SCN1A: variants seen among roughly 807,000 people sequenced by gnomAD.
SCN1A encodes the protein sodium channel protein type 1 subunit alpha.
Under a neutral mutation model 193.7 loss-of-function variants are expected in SCN1A, and 13 were observed. That is an observed-to-expected ratio of 0.07 (90% confidence interval 0.04 to 0.11). SCN1A has a LOEUF of 0.11. Among genes scored for constraint, SCN1A ranks in the 10% least tolerant of loss-of-function variants. SCN1A has a pLI of 1.00. For missense variants in SCN1A, 1,432 were observed against 2,451.1 expected (o/e 0.58, Z 8.78); for synonymous variants, 781 against 843.6 (o/e 0.93, Z 1.29).
intron 24 of SCN1A, 40 bp from the exon 25 acceptor site, chr2:165,999,816 A>C (rs748076099): frequency 7.5e-7 from 1 of 1,332,176 alleles, no homozygotes; most frequent in Admixed American, 1.7e-5. Flanking sequence ...TGGAGTAAAA[A>C]TAATTTAGAC....
At chr2:166,083,967 C>T (rs1685808952) in intron 2 of SCN1A, among the ~76,000 whole-genome samples, 1 of 152,068 alleles carries the variant, frequency 6.6e-6, no homozygotes, top group Non-Finnish European at 1.5e-5. Flanking sequence ...GAAGTCTAAT[C>T]CTCGTGACTG....
intron 22 of SCN1A, among the ~76,000 whole-genome samples, chr2:166,011,608 T>C (rs1692465686): frequency 1.3e-5 from 2 of 151,172 alleles, no homozygotes; most frequent in African/African-American, 2.4e-5. Flanking sequence ...TTTAAAAAGT[T>C]TGAGTAGATC....
chr2:166,085,667 T>G (rs1294480784), intron 2 of SCN1A, among the ~76,000 whole-genome samples: 1 of 152,066 alleles, frequency 6.6e-6, no homozygotes, highest in Non-Finnish European at 1.5e-5. Flanking sequence ...TTAACTACCC[T>G]GGGGAATGAG....
At chr2:165,995,973 G>C in intron 27 of SCN1A, 40 bp downstream of exon 27, 1 of 1,347,412 alleles carries the variant, frequency 7.4e-7, no homozygotes, top group Non-Finnish European at 1.1e-6. Flanking sequence ...GCAAGTTTTT[G>C]TTTTTGTATT....
rs371429158 is a variant in SCN1A, at chr2:166,057,126, T to C, written c.384-626A>G. 5.3e-5 allele frequency among the ~76,000 whole-genome samples: 8 copies of C among 152,176 alleles called. No homozygotes were observed. In the East Asian group the frequency reaches 9.7e-4, roughly 18 times the overall value. On this transcript the variant is annotated intron_variant, in intron 5 of 28. Transcript: ENST00000674923. ...ATGGGAATGTAATTAAAATTCAACA[T>C]AGCAAAGTGATGTTGGCCAAGAGAC...
rs1325981990 is a variant in SCN1A at position 165,998,023 on chromosome 2, A to C, written c.4476+15T>G. On this transcript the variant is annotated intron_variant, in intron 26 of 28. Transcript: ENST00000674923. Reference sequence around the variant, plus strand: ...TTTCTATCTCAGTGGGAGAGAAAATATTAGAAATACTTATCTTCTTTTTCT... The same window carrying C: ...TTTCTATCTCAGTGGGAGAGAAAATCTTAGAAATACTTATCTTCTTTTTCT... 6.3e-7 allele frequency: 1 copy of C among 1,589,898 alleles called. No individual in the cohort carries two copies. Among genetic ancestry groups the C allele is most frequent in the African/African-American group, 1.3e-5 (1 of 74,136 alleles).
intron 9 of SCN1A, among the ~76,000 whole-genome samples, chr2:166,049,740 G>A (rs570534503): frequency 7.2e-4 from 110 of 151,922 alleles, no homozygotes; most frequent in Non-Finnish European, 1.3e-3. Flanking sequence ...CCAGTAACCT[G>A]TATATACTTG....
At chr2:166,098,715 A>C (rs1331897385) in intron 2 of SCN1A, among the ~76,000 whole-genome samples, 1 of 152,182 alleles carries the variant, frequency 6.6e-6, no homozygotes, top group Non-Finnish European at 1.5e-5. Flanking sequence ...ATACACCAAT[A>C]ACATCCAAGC....
Position 166,027,582 on chromosome 2 carries a change from A to G in SCN1A, c.3429+8466T>C, listed in dbSNP as rs542834788. Among the ~76,000 whole-genome samples the G allele has an allele frequency of 9.3e-5, 14 of 151,338 alleles. No individual in the cohort carries two copies. The South Asian group carries it at 1.2e-3, about 14-fold the overall frequency. On this transcript the variant is annotated intron_variant, in intron 19 of 28. Coordinates refer to ENST00000674923, the MANE Select transcript of SCN1A (RefSeq NM_001165963.4). ...GCGATGTCTATATATTTGTATATGT[A>G]TATATGTGTGTACATATATATTTAA...
intron 13 of SCN1A, among the ~76,000 whole-genome samples, 166 bp from the exon 14 acceptor site, chr2:166,044,215 A>T (rs1266443526): frequency 6.6e-6 from 1 of 152,170 alleles, no homozygotes; most frequent in Non-Finnish European, 1.5e-5. Flanking sequence ...ATTAAATTAA[A>T]TTACCTTGAT....
chr2:166,054,646 A>T lies in SCN1A; in HGVS notation c.594T>A (p.Ile198=). ...TCAAAAAAGGCACTTACGCAAATGT[A>T]ATGACAGTGAAATCGAGCCAGTTCC... ...DPWNWLDFTV[I]TFAYVTEFVD... The change falls in exon 7 of 29, where the codon ATT becomes ATA. Residue 198 remains isoleucine, a synonymous_variant. Coordinates refer to ENST00000674923, the MANE Select transcript of SCN1A (RefSeq NM_001165963.4). 6.2e-7 allele frequency: 1 copy of T among 1,612,218 alleles called. No individual in the cohort carries two copies. Among genetic ancestry groups the T allele is most frequent in the Non-Finnish European group, 8.5e-7 (1 of 1,178,722 alleles).
At position 165,986,597 on chromosome 2, in the gene SCN1A, A is replaced by G. The variant is rs1377011940; in HGVS notation, c.*4648T>C. 1 of 151,994 alleles carries G rather than the reference A, an allele frequency of 6.6e-6. No individual in the cohort carries two copies. The highest frequency in any genetic ancestry group is 1.5e-5 in the Non-Finnish European group (1 of 67,964). The allele number at this position is 151,994 out of a possible 1,614,324, so 9.4% of individuals were successfully genotyped here. A position where few individuals can be genotyped will look rare whatever the true frequency, so the allele number is the denominator to read the frequency against. On this transcript the variant is annotated 3_prime_UTR_variant, in exon 29 of 29. Transcript: ENST00000674923. ...ACCAGTATATATTGAATTAATTACCAACAGTAGATCTAATTTTGAAGGTAG... is the reference window on the plus strand; with the variant it reads ...ACCAGTATATATTGAATTAATTACCGACAGTAGATCTAATTTTGAAGGTAG...
chr2:166,128,302 T>C (rs543685661), upstream of SCN1A, among the ~76,000 whole-genome samples: 1 of 152,280 alleles, frequency 6.6e-6, no homozygotes, highest in South Asian at 2.1e-4. Flanking sequence ...ATATAGCTAT[T>C]TTCAAGTAGT....
rs1687756791 is a variant in SCN1A at position 166,099,284 on chromosome 2, A to C, written c.-141-21483T>G. ...ACCACATGATTATCTCAATAGATGCAGAAAAAGCCTTTGACAAAATTCAAC... is the reference window on the plus strand; with the variant it reads ...ACCACATGATTATCTCAATAGATGCCGAAAAAGCCTTTGACAAAATTCAAC... On this transcript the variant is annotated intron_variant, in intron 2 of 28. Transcript: ENST00000674923. 2.6e-5 allele frequency among the ~76,000 whole-genome samples: 4 copies of C among 151,378 alleles called. No individual in the cohort carries two copies. The South Asian group carries it at 8.4e-4, about 32-fold the overall frequency.
intron 23 of SCN1A, among the ~76,000 whole-genome samples, chr2:166,008,707 G>T (rs1395057182): frequency 6.6e-6 from 1 of 150,970 alleles, no homozygotes; most frequent in African/African-American, 2.4e-5. Flanking sequence ...AGAACATAAG[G>T]CTATAAACAA....
At chr2:166,046,578 C>T (rs1697845462) in intron 12 of SCN1A, among the ~76,000 whole-genome samples, 192 bp downstream of exon 12, 2 of 152,044 alleles carry the variant, frequency 1.3e-5, no homozygotes, top group South Asian at 2.1e-4. Flanking sequence ...TGAGAGAGTT[C>T]TATTGTGGTT....
At chr2:166,028,808 G>A (rs748202109) in intron 19 of SCN1A, among the ~76,000 whole-genome samples, 1 of 152,100 alleles carries the variant, frequency 6.6e-6, no homozygotes, top group African/African-American at 2.4e-5. Context: ...GAACATAATA[G>A]ACTTAGTATC....
At chr2:166,050,563 T>C (rs1698414848) in intron 9 of SCN1A, among the ~76,000 whole-genome samples, 1 of 142,456 alleles carries the variant, frequency 7.0e-6, no homozygotes, top group Non-Finnish European at 1.5e-5. Context: ...CACCAGCTAC[T>C]AAGGAGGCTG....
intron 16 of SCN1A, among the ~76,000 whole-genome samples, chr2:166,039,800 A>G (rs548424130): frequency 6.6e-6 from 1 of 152,290 alleles, no homozygotes; most frequent in East Asian, 1.9e-4. Context: ...TAGATAATAT[A>G]CAATTATTAC....
Sources: allele counts gnomAD v4.1 joint callset (sites outside exome capture counted in the v4.1 genomes callset), GRCh38; gene constraint gnomAD v4.1.1; transcripts MANE v1.5; gene names NCBI Gene and HGNC (gene_info 2026-07-23, HGNC 2026-07-21).